The following FHIT variants were observed in gnomAD, a reference collection of about 807,000 sequenced individuals.
The protein encoded by FHIT is fragile histidine triad diadenosine triphosphatase.
In FHIT, 19 loss-of-function variants were observed where a neutral mutation model predicts 17.9. The ratio of observed to expected loss-of-function variants is 1.06; its 90% CI spans 0.74 to 1.56. The LOEUF is 1.56. Ranked by LOEUF, FHIT falls within the 40% of genes most tolerant of loss-of-function variation. The pLI is 0.00. For missense variants in FHIT, 248 were observed against 189.2 expected, an observed-to-expected ratio of 1.31 and a Z score of -1.82; for synonymous variants, 81 against 69.7, an observed-to-expected ratio of 1.16 and a Z score of -0.81.
At chr3:60,014,199 T>C (rs1385653412) in intron 5 of FHIT, 47 bp from the exon 6 acceptor site, 2 of 1,604,782 alleles carry the variant, frequency 1.2e-6, no homozygotes, top group Admixed American at 1.7e-5. Context: ...TTGGGTAGTG[T>C]TCTTACCAAG....
chr3:59,860,423 A>T (rs563862433), intron 8 of FHIT, among the ~76,000 whole-genome samples: 2 of 152,360 alleles, frequency 1.3e-5, no homozygotes, highest in African/African-American at 4.8e-5. Flanking sequence ...AACAGTTGCC[A>T]TAGGGAATGG....
chr3:60,142,662 C>G (rs563561406), intron 5 of FHIT, among the ~76,000 whole-genome samples: 1 of 151,344 alleles, frequency 6.6e-6, no homozygotes, highest in Non-Finnish European at 1.5e-5. Flanking sequence ...CCACTATGCC[C>G]GGCTAACATT....
At chr3:61,238,693 T>C in intron 1 of FHIT, among the ~76,000 whole-genome samples, 1 of 152,184 alleles carries the variant, frequency 6.6e-6, no homozygotes, top group East Asian at 1.9e-4. Flanking sequence ...ACTAGATGAA[T>C]CCAACCAGCT....
At chr3:61,026,315 C>A (rs1423944542) in intron 3 of FHIT, among the ~76,000 whole-genome samples, 1 of 152,124 alleles carries the variant, frequency 6.6e-6, no homozygotes, top group Non-Finnish European at 1.5e-5. Context: ...GGTCTGAGGC[C>A]AGCTCCACCT....
chr3:60,075,748 T>G (rs1702978644), intron 5 of FHIT, among the ~76,000 whole-genome samples: 1 of 152,048 alleles, frequency 6.6e-6, no homozygotes, highest in Non-Finnish European at 1.5e-5. Context: ...GGCCATCAAT[T>G]ATAGAAGACA....
intron 7 of FHIT, among the ~76,000 whole-genome samples, chr3:59,926,631 T>C (rs1705675596): frequency 6.6e-6 from 1 of 152,140 alleles, no homozygotes; most frequent in African/African-American, 2.4e-5. Context: ...GAGAACAAAT[T>C]TCAAAGAGTG....
rs184767723 is a variant in FHIT, at chr3:60,589,369, A to G, written c.-17-52390T>C. Among the ~76,000 whole-genome samples the G allele has an allele frequency of 1.4e-3, 206 of 152,134 alleles. 1 individual carries two copies. Among genetic ancestry groups the G allele is most frequent in the Non-Finnish European group, 2.4e-3 (161 of 67,960 alleles). ...TGTGTGAACTCCTCCCTGTTAATAC[A>G]AAGGGAGGAAGCCCATTATACACAC... On this transcript the variant is annotated intron_variant, in intron 4 of 9. Coordinates refer to ENST00000492590, the MANE Select transcript of FHIT (RefSeq NM_002012.4).
intron 5 of FHIT, among the ~76,000 whole-genome samples, chr3:60,258,008 T>C (rs1706093665): frequency 6.6e-6 from 1 of 151,428 alleles, no homozygotes; most frequent in Non-Finnish European, 1.5e-5. Flanking sequence ...TGTTTACCTA[T>C]GTAACAAACC....
intron 5 of FHIT, among the ~76,000 whole-genome samples, chr3:60,173,917 G>GTT (rs142922853): frequency 1.4e-4 from 5 of 35,500 alleles, no homozygotes; most frequent in South Asian, 1.1e-3. Context: ...ATATATATAT[G>GTT]TTTTTTTTTT....
intron 3 of FHIT, among the ~76,000 whole-genome samples, chr3:60,848,017 T>C (rs1702992983): frequency 6.6e-6 from 1 of 152,190 alleles, no homozygotes. Flanking sequence ...TTCCTACTTA[T>C]TGCTGCATAC....
At chr3:59,855,003 C>T (rs1702094283) in intron 8 of FHIT, among the ~76,000 whole-genome samples, 1 of 152,140 alleles carries the variant, frequency 6.6e-6, no homozygotes, top group Non-Finnish European at 1.5e-5. Flanking sequence ...TTTGCCTTTC[C>T]AAAACTCATA....
chr3:60,972,274 C>T (rs560651024), intron 3 of FHIT, among the ~76,000 whole-genome samples: 17 of 152,210 alleles, frequency 1.1e-4, no homozygotes, highest in Non-Finnish European at 2.5e-4. Context: ...TATAGATATG[C>T]TGATAATTAA....
intron 8 of FHIT, among the ~76,000 whole-genome samples, chr3:59,836,750 G>C (rs1575569646): frequency 1.3e-5 from 2 of 152,210 alleles, no homozygotes; most frequent in East Asian, 3.9e-4. Flanking sequence ...GAGAAAGAAT[G>C]CCTGCCATGT....
At chr3:60,405,782 T>C (rs1400243677) in intron 5 of FHIT, among the ~76,000 whole-genome samples, 2 of 152,218 alleles carry the variant, frequency 1.3e-5, no homozygotes, top group African/African-American at 4.8e-5. Flanking sequence ...GCAGGGATTG[T>C]GCTAAGCATT....
intron 3 of FHIT, among the ~76,000 whole-genome samples, chr3:60,949,040 G>A (rs1325577762): frequency 6.6e-5 from 10 of 152,062 alleles, no homozygotes; most frequent in African/African-American, 1.2e-4. Context: ...TAGTTGAAGC[G>A]TAGGGGCCAG....
At chr3:59,752,174 C>T (rs1700944814) in intron 9 of FHIT, 47 bp downstream of exon 9, 1 of 1,373,568 alleles carries the variant, frequency 7.3e-7, no homozygotes, top group Non-Finnish European at 1.0e-6. Flanking sequence ...AGCCTCTTTC[C>T]TGAGGCCCAC....
intron 5 of FHIT, among the ~76,000 whole-genome samples, chr3:60,415,060 T>G (rs1353310305): frequency 6.6e-6 from 1 of 152,132 alleles, no homozygotes; most frequent in Non-Finnish European, 1.5e-5. Flanking sequence ...GAATGTGCAC[T>G]TTAATAGGCA....
intron 8 of FHIT, among the ~76,000 whole-genome samples, chr3:59,821,352 G>C (rs1347077079): frequency 6.6e-6 from 1 of 152,214 alleles, no homozygotes; most frequent in East Asian, 1.9e-4. Context: ...GCTCATGTCG[G>C]GGTAAAGAGT....
chr3:60,513,759 A>C, intron 5 of FHIT, among the ~76,000 whole-genome samples: 1 of 151,982 alleles, frequency 6.6e-6, no homozygotes, highest in African/African-American at 2.4e-5. Context: ...TCAAGCCTGG[A>C]CCCATGGCCT....
Sources: allele counts gnomAD v4.1 joint callset (sites outside exome capture counted in the v4.1 genomes callset), GRCh38; gene constraint gnomAD v4.1.1; transcripts MANE v1.5; gene names NCBI Gene and HGNC (gene_info 2026-07-23, HGNC 2026-07-21).